Variants in TMEM132B observed in about 807,000 individuals in gnomAD.
TMEM132B encodes transmembrane protein 132B.
TMEM132B carries 18 observed loss-of-function variants against 90.8 expected under a neutral mutation model. That is an observed-to-expected ratio of 0.20 (90% CI 0.14 to 0.29). The LOEUF (loss-of-function observed/expected upper bound fraction) is 0.29, where lower values mean the gene tolerates loss of function less well. TMEM132B is among the 10% of genes least tolerant of loss of function. TMEM132B has a pLI of 1.00. For missense variants in TMEM132B, 1,096 were observed against 1,326.8 expected, an observed-to-expected ratio of 0.83 and a Z score of 2.70; for synonymous variants, 504 against 523.3, an observed-to-expected ratio of 0.96 and a Z score of 0.50.
chr12:125,436,160 T>C (rs1880693511), intron 3 of TMEM132B, among the ~76,000 whole-genome samples: 1 of 152,160 alleles, frequency 6.6e-6, no homozygotes, highest in Non-Finnish European at 1.5e-5. Flanking sequence ...GGAGTCCAAC[T>C]GTCTGAACTG....
chr12:125,632,940 GT>G (rs918675651), intron 5 of TMEM132B, among the ~76,000 whole-genome samples: 7 of 151,630 alleles, frequency 4.6e-5, no homozygotes, highest in African/African-American at 1.5e-4. Context: ...TTTTTTGTAG[GT>G]TTGAGAAGTT....
At chr12:125,461,401 C>T (rs2136472328) in intron 3 of TMEM132B, among the ~76,000 whole-genome samples, 1 of 152,334 alleles carries the variant, frequency 6.6e-6, no homozygotes, top group East Asian at 1.9e-4. Context: ...CTCACTGTCA[C>T]CAGGCTGATC....
chr12:125,619,806 C>G (rs564532362), intron 5 of TMEM132B, among the ~76,000 whole-genome samples: 1 of 152,290 alleles, frequency 6.6e-6, no homozygotes, highest in African/African-American at 2.4e-5. Context: ...GTAAGCATTG[C>G]GTCTTCCTGC....
intron 4 of TMEM132B, among the ~76,000 whole-genome samples, chr12:125,560,621 G>T (rs1884498319): frequency 6.6e-6 from 1 of 151,718 alleles, no homozygotes; most frequent in Admixed American, 6.6e-5. Flanking sequence ...AGGAGATCGA[G>T]ACCATCCTGG....
chr12:125,540,993 T>G (rs1188273364), intron 4 of TMEM132B, among the ~76,000 whole-genome samples: 1 of 152,228 alleles, frequency 6.6e-6, no homozygotes, highest in Non-Finnish European at 1.5e-5. Context: ...GGTCTTGCTT[T>G]AGGGCCTTTG....
chr12:125,207,025 C>T (rs114954160), intron 1 of TMEM132B, among the ~76,000 whole-genome samples: 2 of 152,278 alleles, frequency 1.3e-5, no homozygotes, highest in African/African-American at 4.8e-5. Flanking sequence ...CTGATGCATT[C>T]GGTGGAAGGA....
At chr12:125,525,334 G>A (rs1171580021) in intron 4 of TMEM132B, among the ~76,000 whole-genome samples, 1 of 152,228 alleles carries the variant, frequency 6.6e-6, no homozygotes, top group South Asian at 2.1e-4. Flanking sequence ...CCTTGTGGTG[G>A]TGTTACCAGG....
At chr12:125,555,450 A>C in intron 4 of TMEM132B, among the ~76,000 whole-genome samples, 1 of 151,384 alleles carries the variant, frequency 6.6e-6, no homozygotes. Flanking sequence ...TCATATTGAA[A>C]CTGTTTCCTT....
At chr12:125,603,401 C>G (rs929566965) in intron 5 of TMEM132B, among the ~76,000 whole-genome samples, 1 of 152,082 alleles carries the variant, frequency 6.6e-6, no homozygotes, top group Non-Finnish European at 1.5e-5. Flanking sequence ...TAGCCATATG[C>G]AGAAAACTAA....
At position 125,400,609 on chromosome 12, in the gene TMEM132B, C is replaced by T. The variant is rs565154584; in HGVS notation, c.960-14922C>T. ...CTGTGGATCCCTTGGACTCTCTTTT[C>T]CATGCCCTGTAACCTGTTGCAAGGA... On this transcript the variant is annotated intron_variant, in intron 2 of 8. Coordinates refer to ENST00000682704, the MANE Select transcript of TMEM132B (RefSeq NM_001366854.1). Among the ~76,000 whole-genome samples, 9 of 152,302 alleles carry T rather than the reference C, an allele frequency of 5.9e-5. No homozygotes were observed. In the South Asian group the frequency reaches 1.7e-3, roughly 28 times the overall value.
intron 4 of TMEM132B, among the ~76,000 whole-genome samples, chr12:125,556,654 C>T (rs1592991454): frequency 1.3e-5 from 2 of 152,230 alleles, no homozygotes; most frequent in East Asian, 3.8e-4. Flanking sequence ...GTTTCAGCAG[C>T]TGTATAGCAT....
Position 125,591,015 on chromosome 12 carries a change from G to T in TMEM132B, c.1437+7021G>T, listed in dbSNP as rs184621675. Among the ~76,000 whole-genome samples the T allele has an allele frequency of 8.2e-3, 1,236 of 151,540 alleles. 18 individuals are homozygous for T. The highest frequency in any genetic ancestry group is 9.7e-3 in the Non-Finnish European group (662 of 67,980). The stretch of plus-strand genomic sequence containing the variant: ...TAGGGCATTGTGTGTACGCATGCAC[G>T]CCCGCGTGTGTGTGTGTGTGTTTGT... On this transcript the variant is annotated intron_variant, in intron 5 of 8. Coordinates refer to ENST00000682704, the MANE Select transcript of TMEM132B (RefSeq NM_001366854.1).
At chr12:125,538,016 A>T (rs1382684636) in intron 4 of TMEM132B, among the ~76,000 whole-genome samples, 1 of 152,044 alleles carries the variant, frequency 6.6e-6, no homozygotes, top group Non-Finnish European at 1.5e-5. Flanking sequence ...CTTCCCCCAC[A>T]TGCACGCTCG....
intron 2 of TMEM132B, among the ~76,000 whole-genome samples, chr12:125,365,364 T>G (rs540275056): frequency 6.6e-6 from 1 of 152,220 alleles, no homozygotes; most frequent in East Asian, 1.9e-4. Context: ...TATAATTACA[T>G]AGATATATGT....
intron 3 of TMEM132B, among the ~76,000 whole-genome samples, chr12:125,473,962 A>C (rs565455464): frequency 1.8e-4 from 27 of 152,196 alleles, no homozygotes; most frequent in African/African-American, 5.8e-4. Context: ...TAGTAGAGAA[A>C]AAATAGCAAT....
At chr12:125,440,884 C>A (rs1029434649) in intron 3 of TMEM132B, among the ~76,000 whole-genome samples, 2 of 152,192 alleles carry the variant, frequency 1.3e-5, no homozygotes, top group Non-Finnish European at 2.9e-5. Flanking sequence ...CTGACTGTGG[C>A]TGCTCAGTGT....
At chr12:125,520,644 C>T (rs535341281) in intron 4 of TMEM132B, among the ~76,000 whole-genome samples, 1 of 152,154 alleles carries the variant, frequency 6.6e-6, no homozygotes, top group African/African-American at 2.4e-5. Flanking sequence ...TTGGCCCTCC[C>T]TCCCCTGCCA....
chr12:125,434,895 T>G (rs907243920), intron 3 of TMEM132B, among the ~76,000 whole-genome samples: 5 of 152,172 alleles, frequency 3.3e-5, no homozygotes, highest in African/African-American at 1.2e-4. Flanking sequence ...CCCCTCCTCA[T>G]GCTGAAACTT....
At chr12:125,342,767 T>A (rs1877227757) in intron 1 of TMEM132B, among the ~76,000 whole-genome samples, 3 of 152,044 alleles carry the variant, frequency 2.0e-5, no homozygotes, top group African/African-American at 7.2e-5. Context: ...GCTTGAGGGG[T>A]GAGAAGAATC....
Sources: gnomAD v4.1 joint callset for allele counts (sites outside exome capture counted in the v4.1 genomes callset) on GRCh38, gnomAD v4.1.1 for gene constraint, MANE v1.5 for transcripts, NCBI Gene and HGNC (gene_info 2026-07-23, HGNC 2026-07-21) for gene names.